The following CTIF variants were observed in gnomAD, a reference collection of about 807,000 sequenced individuals.
CTIF encodes CBP80/20-dependent translation initiation factor.
A neutral mutation model predicts 66.0 loss-of-function variants in CTIF; 21 were observed. That is an observed-to-expected ratio of 0.32 (90% CI 0.23 to 0.46). The LOEUF (loss-of-function observed/expected upper bound fraction) is 0.46, where lower values mean the gene tolerates loss of function less well. Among genes scored for constraint, CTIF ranks in the 20% least tolerant of loss-of-function variants. The pLI is 1.00. For missense variants in CTIF, 739 were observed against 812.7 expected (o/e 0.91, Z 1.10); for synonymous variants, 345 against 326.4 (o/e 1.06, Z -0.62).
chr18:48,646,464 C>T (rs1226820579), intron 3 of CTIF, among the ~76,000 whole-genome samples: 1 of 150,628 alleles, frequency 6.6e-6, no homozygotes, highest in Non-Finnish European at 1.5e-5. Flanking sequence ...AAAAAAGTGA[C>T]GGCCAAGAGC....
At chr18:48,751,498 C>T (rs1193647297) in intron 7 of CTIF, among the ~76,000 whole-genome samples, 1 of 152,216 alleles carries the variant, frequency 6.6e-6, no homozygotes, top group Non-Finnish European at 1.5e-5. Context: ...ATCGCTACCT[C>T]CCCTCCCCAG....
At chr18:48,765,083 A>C (rs1043684376) in intron 9 of CTIF, among the ~76,000 whole-genome samples, 2 of 152,200 alleles carry the variant, frequency 1.3e-5, no homozygotes, top group African/African-American at 4.8e-5. Flanking sequence ...TCACCACCCA[A>C]ACCCGAGAGG....
intron 1 of CTIF, among the ~76,000 whole-genome samples, chr18:48,608,562 G>A (rs1182992119): frequency 6.6e-6 from 1 of 152,144 alleles, no homozygotes. Context: ...CTGTGACCTG[G>A]GCCGGTCAGG....
chr18:48,605,266 G>T (rs1471316657), intron 1 of CTIF, among the ~76,000 whole-genome samples: 1 of 152,194 alleles, frequency 6.6e-6, no homozygotes, highest in Non-Finnish European at 1.5e-5. Flanking sequence ...GAGGACTCCA[G>T]TTGCTCCACA....
At chr18:48,799,449 A>G (rs1228355951) in intron 9 of CTIF, among the ~76,000 whole-genome samples, 1 of 151,864 alleles carries the variant, frequency 6.6e-6, no homozygotes, top group Non-Finnish European at 1.5e-5. Flanking sequence ...GTCCTACTGG[A>G]TCCCATGTTG....
rs147083541 is a variant in CTIF, at chr18:48,631,907, C to T, written c.181-4707C>T. Among the ~76,000 whole-genome samples, 1,514 of 152,250 alleles carry T rather than the reference C, an allele frequency of 9.9e-3. 25 individuals are homozygous for T. The highest frequency in any genetic ancestry group is 0.035 in the African/African-American group (1,450 of 41,556). ...ATGTGTGGGATTTCAAGCCCTGGCC[C>T]GGACTGAGGAGCGGGTCTGGAGAGG... On this transcript the variant is annotated intron_variant, in intron 2 of 11. Transcript: ENST00000256413.
At chr18:48,750,942 T>G (rs1298126448) in intron 7 of CTIF, among the ~76,000 whole-genome samples, 1 of 152,254 alleles carries the variant, frequency 6.6e-6, no homozygotes, top group Non-Finnish European at 1.5e-5. Context: ...CCAAACTATA[T>G]AAGTTCAAAC....
intron 1 of CTIF, among the ~76,000 whole-genome samples, chr18:48,606,451 C>T (rs755120405): frequency 1.6e-4 from 24 of 152,294 alleles, no homozygotes; most frequent in East Asian, 3.9e-4. Context: ...TAACTGCAGC[C>T]GCAGGGTTAT....
intron 1 of CTIF, among the ~76,000 whole-genome samples, chr18:48,547,212 A>G (rs2088773015): frequency 6.6e-6 from 1 of 152,238 alleles, no homozygotes; most frequent in African/African-American, 2.4e-5. Context: ...AGAGAAGGAC[A>G]GTTCCATCCA....
chr18:48,790,084 A>C (rs1335468189), intron 9 of CTIF, among the ~76,000 whole-genome samples: 1 of 152,224 alleles, frequency 6.6e-6, no homozygotes, highest in Non-Finnish European at 1.5e-5. Flanking sequence ...AAGGCTGCCT[A>C]CTAGGTGTTG....
At chr18:48,628,271 A>G (rs36023356) in intron 2 of CTIF, among the ~76,000 whole-genome samples, 23,246 of 152,076 alleles carry the variant, frequency 0.15, 1,915 homozygotes, top group South Asian at 0.26. Flanking sequence ...CACCAGTTCG[A>G]TGCACATTGG....
At chr18:48,803,776 G>T (rs192799856) in intron 9 of CTIF, among the ~76,000 whole-genome samples, 5 of 152,186 alleles carry the variant, frequency 3.3e-5, no homozygotes, top group Non-Finnish European at 7.4e-5. Flanking sequence ...ATTTGGGGAG[G>T]GGGGGCTCTG....
chr18:48,775,329 G>A (rs890817400), intron 9 of CTIF, among the ~76,000 whole-genome samples: 1 of 152,252 alleles, frequency 6.6e-6, no homozygotes, highest in Non-Finnish European at 1.5e-5. Flanking sequence ...GGAGAAACTT[G>A]TGAATTTCAT....
chr18:48,697,786 T>C (rs1325870591), intron 6 of CTIF, among the ~76,000 whole-genome samples: 1 of 152,042 alleles, frequency 6.6e-6, no homozygotes, highest in East Asian at 1.9e-4. Context: ...TCCTGAGAGA[T>C]GACATGTGAG....
intron 8 of CTIF, 149 bp downstream of exon 8, chr18:48,758,554 G>A (rs756104760): frequency 4.2e-6 from 4 of 960,990 alleles, no homozygotes; most frequent in Middle Eastern, 2.8e-4. Context: ...GTCACTGTGG[G>A]GACCAACCAC....
intron 7 of CTIF, among the ~76,000 whole-genome samples, chr18:48,719,179 A>G (rs531464413): frequency 6.6e-6 from 1 of 152,318 alleles, no homozygotes; most frequent in South Asian, 2.1e-4. Flanking sequence ...TGGCTTCTGT[A>G]TCCCAGGCTT....
At chr18:48,615,215 G>T (rs1011858582) in intron 1 of CTIF, among the ~76,000 whole-genome samples, 5 of 152,226 alleles carry the variant, frequency 3.3e-5, no homozygotes, top group Non-Finnish European at 5.9e-5. Flanking sequence ...TTTATGTTGT[G>T]TATATTTGAC....
chr18:48,817,183 GC>G, intron 9 of CTIF, 37 bp from the exon 10 acceptor site: 2 of 1,599,128 alleles, frequency 1.3e-6, no homozygotes, highest in Non-Finnish European at 8.5e-7. Flanking sequence ...CCCCTCCCCA[GC>G]CCCGGGAGGC....
chr18:48,567,433 T>G (rs959685070), intron 1 of CTIF: 3 of 152,248 alleles, frequency 2.0e-5, no homozygotes, highest in Admixed American at 6.5e-5. Context: ...ACTGGTCTTC[T>G]AATAGAGCAG....
Sources: gnomAD v4.1 joint callset for allele counts (sites outside exome capture counted in the v4.1 genomes callset) on GRCh38, gnomAD v4.1.1 for gene constraint, MANE v1.5 for transcripts, NCBI Gene and HGNC (gene_info 2026-07-23, HGNC 2026-07-21) for gene names.